AXIN2: variants seen among roughly 807,000 people sequenced by gnomAD.
AXIN2 encodes the protein axin 2.
In AXIN2, 21 loss-of-function variants were observed where a neutral mutation model predicts 74.7. That is an observed-to-expected ratio of 0.28 (90% CI 0.20 to 0.40). The LOEUF (loss-of-function observed/expected upper bound fraction) is 0.40, where lower values mean the gene tolerates loss of function less well. Ranked by LOEUF, AXIN2 falls within the 10% of genes least tolerant of loss-of-function variation. AXIN2 has a pLI of 1.00. For missense variants in AXIN2, 1,144 were observed against 1,111.1 expected (o/e 1.03, Z -0.42); for synonymous variants, 532 against 454.9 (o/e 1.17, Z -2.16).
intron 1 of AXIN2, chr17:65,560,283 G>C (rs1479211004): frequency 6.6e-6 from 1 of 152,282 alleles, no homozygotes; most frequent in East Asian, 1.9e-4. Context: ...AGGGACACGG[G>C]CGCCCCGGAC....
At chr17:65,554,896 C>T (rs886120899) in intron 2 of AXIN2, among the ~76,000 whole-genome samples, 1 of 152,194 alleles carries the variant, frequency 6.6e-6, no homozygotes, top group African/African-American at 2.4e-5. Context: ...CCCCCCTTCG[C>T]ACACACCTCG....
chr17:65,538,667 C>CAAAAAAAAAAAAAAAA lies in AXIN2; in HGVS notation c.1060-340_1060-325dup, dbSNP rs775428814. ...ATCTTCAAAGACTGTTGTCAACCAT[C>CAAAAAAAAAAAAAAAA]AAAAAAAAAAAAAAAAAAAAAAAAA... On this transcript the variant is annotated intron_variant, in intron 4 of 10. Coordinates refer to ENST00000307078, the MANE Select transcript of AXIN2 (RefSeq NM_004655.4). 3.8e-3 allele frequency among the ~76,000 whole-genome samples: 137 copies of CAAAAAAAAAAAAAAAA among 35,828 alleles called. 65 individuals are homozygous for CAAAAAAAAAAAAAAAA. Among genetic ancestry groups the CAAAAAAAAAAAAAAAA allele is most frequent in the East Asian group, 0.011 (10 of 944 alleles). 23.5% of individuals were successfully genotyped at this position (35,828 alleles called of 152,430 possible).
intron 10 of AXIN2, among the ~76,000 whole-genome samples, chr17:65,533,498 A>C (rs1016194306): frequency 1.3e-5 from 2 of 152,204 alleles, no homozygotes; most frequent in Non-Finnish European, 2.9e-5. Context: ...CGGCGCTTCC[A>C]GACCCTCCCT....
chr17:65,538,502 G>C (rs1325546847), intron 4 of AXIN2, among the ~76,000 whole-genome samples, 159 bp from the exon 5 acceptor site: 1 of 151,876 alleles, frequency 6.6e-6, no homozygotes, highest in East Asian at 1.9e-4. Context: ...ACTTTTATGC[G>C]CTAGCGCCAT....
At chr17:65,535,966 GAGGACT>G (rs2043905572) in intron 8 of AXIN2, among the ~76,000 whole-genome samples, 1 of 152,188 alleles carries the variant, frequency 6.6e-6, no homozygotes, top group African/African-American at 2.4e-5. Flanking sequence ...GCAAAGGGCT[GAGGACT>G]CTTGATCCTC....
Position 65,549,610 on chromosome 17 carries a change from T to A in AXIN2, c.866A>T (p.Tyr289Phe), listed in dbSNP as rs1060502148. ...PVNPYHIGSGYVFAPATSAND... is the reference protein window; with the variant it reads ...PVNPYHIGSGFVFAPATSAND... ...GGCGCTGGTGGCTGGTGCAAAGACA[T>A]AGCCAGAACCTATGTGATAAGGATT... Residue 289 changes from tyrosine to phenylalanine, a missense_variant, in exon 3 of 11, where the codon TAT (tyrosine) becomes TTT (phenylalanine). Transcript: ENST00000307078. 6.2e-7 allele frequency: 1 copy of A among 1,606,192 alleles called. No individual in the cohort carries two copies. The highest frequency in any genetic ancestry group is 1.3e-5 in the African/African-American group (1 of 74,910).
chr17:65,529,900 G>C lies in AXIN2; in HGVS notation c.*76C>G, dbSNP rs781172685. On this transcript the variant is annotated 3_prime_UTR_variant, in exon 11 of 11. Coordinates refer to ENST00000307078, the MANE Select transcript of AXIN2 (RefSeq NM_004655.4). Reference sequence around the variant, plus strand: ...GTTTAATTTTCCTTCAAAATGTTTTGTCGCAGTTGCTCACAGCCAAGACAG... The same window carrying C: ...GTTTAATTTTCCTTCAAAATGTTTTCTCGCAGTTGCTCACAGCCAAGACAG... 1.1e-5 allele frequency: 17 copies of C among 1,603,656 alleles called. No individual in the cohort carries two copies. The Admixed American group carries it at 1.2e-4, about 11-fold the overall frequency.
chr17:65,559,716 T>C (rs1181414380), intron 1 of AXIN2, among the ~76,000 whole-genome samples: 1 of 152,182 alleles, frequency 6.6e-6, no homozygotes, highest in Non-Finnish European at 1.5e-5. Context: ...AAAAAAGTCT[T>C]ATCTAACCAA....
chr17:65,559,177 G>A (rs1221030375), intron 1 of AXIN2, among the ~76,000 whole-genome samples: 1 of 152,066 alleles, frequency 6.6e-6, no homozygotes, highest in African/African-American at 2.4e-5. Flanking sequence ...GCTGTGTGCA[G>A]GTGAAACCAA....
chr17:65,549,990 G>C (rs1415181327), intron 2 of AXIN2, among the ~76,000 whole-genome samples: 1 of 152,188 alleles, frequency 6.6e-6, no homozygotes, highest in Admixed American at 6.5e-5. Flanking sequence ...TAGGAGAGGA[G>C]GCCATGGAAT....
chr17:65,549,693 T>A, intron 2 of AXIN2, 33 bp from the exon 3 acceptor site: 3 of 1,575,486 alleles, frequency 1.9e-6, no homozygotes, highest in Non-Finnish European at 2.6e-6. Flanking sequence ...GTTCAGTCAC[T>A]GACCCTCACC....
At chr17:65,551,382 C>T (rs1020872190) in intron 2 of AXIN2, among the ~76,000 whole-genome samples, 3 of 152,058 alleles carry the variant, frequency 2.0e-5, no homozygotes, top group African/African-American at 7.2e-5. Context: ...GCTAAGAAGG[C>T]CTGGCAAGGG....
intron 2 of AXIN2, among the ~76,000 whole-genome samples, chr17:65,554,933 C>A (rs2044246343): frequency 6.6e-6 from 1 of 152,196 alleles, no homozygotes; most frequent in Non-Finnish European, 1.5e-5. Flanking sequence ...TGTCTGTGTG[C>A]CGGGGATTTT....
chr17:65,542,785 A>G (rs974517636), intron 3 of AXIN2, among the ~76,000 whole-genome samples: 8 of 152,164 alleles, frequency 5.3e-5, no homozygotes, highest in African/African-American at 1.9e-4. Context: ...CAGGGTGCAA[A>G]CATTTTCATA....
Position 65,538,278 on chromosome 17 carries a change from G to A in AXIN2, c.1125C>T (p.Ile375=), listed in dbSNP as rs748945736. The A allele has an allele frequency of 1.5e-5, 25 of 1,614,106 alleles. No individual in the cohort carries two copies. The African/African-American group carries it at 1.9e-4, about 12-fold the overall frequency. The change falls in exon 5 of 11, where the codon ATC becomes ATT. Residue 375 remains isoleucine, a synonymous_variant. Coordinates refer to ENST00000307078, the MANE Select transcript of AXIN2 (RefSeq NM_004655.4). ...CCAGCTTCAGCTTTTCCAGCCTCGA[G>A]ATCAGCTCAGCTGCAAAGGTGGCGG... ...VEPATFAAEL[I]SRLEKLKLEL... is the part of the protein sequence containing the mutation.
chr17:65,533,002 T>C (rs1032390858), intron 10 of AXIN2, among the ~76,000 whole-genome samples: 1 of 152,198 alleles, frequency 6.6e-6, no homozygotes, highest in Non-Finnish European at 1.5e-5. Flanking sequence ...CTGCAGGCCA[T>C]GGAGAGGGGC....
chr17:65,546,296 C>T (rs1237895950), intron 3 of AXIN2, among the ~76,000 whole-genome samples: 1 of 152,190 alleles, frequency 6.6e-6, no homozygotes, highest in Non-Finnish European at 1.5e-5. Flanking sequence ...TTTTCATCCC[C>T]CACACACTTT....
Position 65,537,634 on chromosome 17 carries a change from C to T in AXIN2, c.1402G>A (p.Asp468Asn), listed in dbSNP as rs1477541377. 1 of 1,586,756 alleles carries T rather than the reference C, an allele frequency of 6.3e-7. No individual in the cohort carries two copies. The highest frequency in any genetic ancestry group is 8.6e-7 in the Non-Finnish European group (1 of 1,168,830). Residue 468 changes from aspartate (D) to asparagine (N), a missense_variant, in exon 6 of 11, where the codon GAC (aspartate) becomes AAC (asparagine). Physicochemically the swap from Asp to Asn is conservative, Grantham distance 23. Around this residue, in one of 4 missense-constraint regions of AXIN2, gnomAD observed 1,053 missense variants for 973.5 expected, o/e 1.08. Transcript: ENST00000307078. Reference protein sequence around the residue: ...GRYSPRSRSPDHHHHHHSQYH... With the variant: ...GRYSPRSRSPNHHHHHHSQYH... ...TGCGAATGGTGGTGGTGGTGGTGGTCCGGGGAGCGGGAGCGGGGGCTATAG... is the reference window on the plus strand; with the variant it reads ...TGCGAATGGTGGTGGTGGTGGTGGTTCGGGGAGCGGGAGCGGGGGCTATAG...
rs1283125226 is a variant in AXIN2 at position 65,536,351 on chromosome 17, G to A, written c.2110C>T (p.Leu704=). 1 of 1,613,168 alleles carries A rather than the reference G, an allele frequency of 6.2e-7. No individual in the cohort carries two copies. Among genetic ancestry groups the A allele is most frequent in the African/African-American group, 1.3e-5 (1 of 75,062 alleles). Residue 704 remains leucine (L), a synonymous_variant, in exon 8 of 11, where the codon CTA becomes TTA. Transcript: ENST00000307078. ...LAQLEEACRR[L]AEVSKPPKQR... is the part of the protein sequence containing the mutation. ...TTTGGGGGCTTCGACACCTCAGCTA[G>A]CCTGCGACAGGCCTCCTCCAGCTGA... is the stretch of plus-strand genomic sequence containing the variant.
Sources: allele counts gnomAD v4.1 joint callset (sites outside exome capture counted in the v4.1 genomes callset), GRCh38; gene constraint gnomAD v4.1.1; regional missense constraint gnomAD v4.1.1; transcripts MANE v1.5; gene names NCBI Gene and HGNC (gene_info 2026-07-23, HGNC 2026-07-21).